The following AXIN1 variants were observed in gnomAD, a reference collection of about 807,000 sequenced individuals.
The protein encoded by AXIN1 is axin 1.
In AXIN1, 30 loss-of-function variants were observed where a neutral mutation model predicts 76.4. The observed-to-expected ratio is 0.39, with a 90% CI of 0.29 to 0.53. The LOEUF is 0.53. Ranked by LOEUF, AXIN1 falls within the 20% of genes least tolerant of loss-of-function variation. The pLI is 0.66. For synonymous variants in AXIN1, 545 were observed against 501.4 expected, an observed-to-expected ratio of 1.09 and a Z score of -1.16; for missense variants, 1,140 against 1,198.8, an observed-to-expected ratio of 0.95 and a Z score of 0.72.
chr16:294,899 A>T (rs2141492657), intron 7 of AXIN1, among the ~76,000 whole-genome samples: 1 of 151,108 alleles, frequency 6.6e-6, no homozygotes, highest in Middle Eastern at 3.4e-3. Context: ...CACCTCTACT[A>T]AAAAAATACA....
chr16:309,482 T>C (rs1001495042), intron 4 of AXIN1, among the ~76,000 whole-genome samples: 3 of 152,126 alleles, frequency 2.0e-5, no homozygotes, highest in Non-Finnish European at 2.9e-5. Flanking sequence ...CAAGCCCCCA[T>C]GCCCGAGACT....
At chr16:289,897 C>T in intron 9 of AXIN1, 1 of 536,466 alleles carries the variant, frequency 1.9e-6, no homozygotes, top group Non-Finnish European at 3.4e-6. Context: ...CAGCTCCCAC[C>T]TCTAGGATGG....
intron 5 of AXIN1, among the ~76,000 whole-genome samples, chr16:301,163 G>C (rs2052860925): frequency 1.3e-5 from 2 of 151,978 alleles, no homozygotes; most frequent in Admixed American, 6.6e-5. Context: ...CCCAGCTACT[G>C]GGGAGGCTGA....
At chr16:291,117 C>T in intron 9 of AXIN1, 73 bp downstream of exon 9, 1 of 1,440,660 alleles carries the variant, frequency 6.9e-7, no homozygotes, top group South Asian at 1.2e-5. Context: ...GACGGCGGCT[C>T]TACGATGGGA....
chr16:338,740 T>C (rs903338665), intron 2 of AXIN1, among the ~76,000 whole-genome samples: 1 of 152,052 alleles, frequency 6.6e-6, no homozygotes, highest in Non-Finnish European at 1.5e-5. Context: ...CTGGCCAACA[T>C]GGCGAAACCT....
chr16:332,192 G>A (rs1475644177), intron 2 of AXIN1, among the ~76,000 whole-genome samples: 1 of 152,154 alleles, frequency 6.6e-6, no homozygotes, highest in Non-Finnish European at 1.5e-5. Context: ...AACAACTGAG[G>A]GCCCCACGGT....
At position 304,244 on chromosome 16, in the gene AXIN1, C is replaced by T. The variant is rs962431690; in HGVS notation, c.1254+60G>A. On this transcript the variant is annotated intron_variant, in intron 5 of 10. Transcript: ENST00000262320. ...CCCCATGAAGAACATCAGGACATCC[C>T]GGCGGCAAGAAAACAGCACGACACC... is the stretch of plus-strand genomic sequence containing the variant. 3.3e-5 allele frequency: 52 copies of T among 1,599,492 alleles called. No individual in the cohort carries two copies. The East Asian group carries it at 5.8e-4, about 18-fold the overall frequency.
chr16:302,455 A>G (rs2052898357), intron 5 of AXIN1, among the ~76,000 whole-genome samples: 1 of 152,266 alleles, frequency 6.6e-6, no homozygotes, highest in Non-Finnish European at 1.5e-5. Flanking sequence ...TTTCCACACA[A>G]ACCCCTTCAT....
At chr16:343,804 G>A (rs762516412) in intron 2 of AXIN1, among the ~76,000 whole-genome samples, 2 of 151,490 alleles carry the variant, frequency 1.3e-5, no homozygotes, top group Non-Finnish European at 2.9e-5. Flanking sequence ...CCAGGAGCTC[G>A]AGACCATCCT....
At chr16:331,348 G>A (rs957399437) in intron 2 of AXIN1, among the ~76,000 whole-genome samples, 1 of 152,120 alleles carries the variant, frequency 6.6e-6, no homozygotes, top group Non-Finnish European at 1.5e-5. Flanking sequence ...CATTCTCAGG[G>A]ATCCTGGAGC....
intron 2 of AXIN1, among the ~76,000 whole-genome samples, chr16:330,609 A>G (rs967987201): frequency 6.6e-6 from 1 of 152,240 alleles, no homozygotes; most frequent in Admixed American, 6.5e-5. Context: ...TCAATGTCAC[A>G]AAAGTCTCTT....
At chr16:310,152 C>T (rs930147023) in intron 3 of AXIN1, 83 bp from the exon 4 acceptor site, 17 of 1,315,458 alleles carry the variant, frequency 1.3e-5, no homozygotes, top group Non-Finnish European at 1.8e-5. Flanking sequence ...TGGCCCCGAC[C>T]GCCGGTCAGC....
rs138790509 is a variant in AXIN1, at chr16:325,796, C to T, written c.879-11113G>A. Among the ~76,000 whole-genome samples the T allele has an allele frequency of 5.3e-3, 814 of 152,332 alleles. 3 individuals carry two copies. The highest frequency in any genetic ancestry group is 7.8e-3 in the Non-Finnish European group (531 of 68,036). On this transcript the variant is annotated intron_variant, in intron 2 of 10. Coordinates refer to ENST00000262320, the MANE Select transcript of AXIN1 (RefSeq NM_003502.4). Reference sequence around the variant, plus strand: ...CCATCTTCTCTCATGACGGGGCCTTCGGAAACACCAAGAAACGACCAAAGC... The same window carrying T: ...CCATCTTCTCTCATGACGGGGCCTTTGGAAACACCAAGAAACGACCAAAGC...
chr16:350,623 G>A lies in AXIN1; in HGVS notation c.-82+1746C>T, dbSNP rs145084793. Among the ~76,000 whole-genome samples the A allele has an allele frequency of 1.2e-3, 176 of 152,268 alleles. 2 individuals are homozygous for A. The highest frequency in any genetic ancestry group is 0.01 in the East Asian group (52 of 5,186). ...ACACGACTCTGACATCTTCCCAGCT[G>A]TCCATTGATTTAACTCTTGAAGGTT... On this transcript the variant is annotated intron_variant, in intron 1 of 10. Transcript: ENST00000262320.
intron 2 of AXIN1, among the ~76,000 whole-genome samples, chr16:340,320 G>GC (rs961171748): frequency 2.6e-5 from 4 of 152,326 alleles, no homozygotes; most frequent in African/African-American, 7.2e-5. Flanking sequence ...ATCCACAAGT[G>GC]CATCACTGGA....
In AXIN1 at chr16:295,625, C is replaced by T. The variant is rs191856274; in HGVS notation, c.1955+1431G>A. Among the ~76,000 whole-genome samples the T allele has an allele frequency of 1.8e-3, 267 of 152,060 alleles. 4 individuals carry two copies. Among genetic ancestry groups the T allele is most frequent in the African/African-American group, 5.5e-3 (227 of 41,474 alleles). On this transcript the variant is annotated intron_variant, in intron 7 of 10. Coordinates refer to ENST00000262320, the MANE Select transcript of AXIN1 (RefSeq NM_003502.4). ...AAAGTGGAATGTATTAATACTTATCCTAAAATATGGGACATGCAATATTTA... is the reference window on the plus strand; with the variant it reads ...AAAGTGGAATGTATTAATACTTATCTTAAAATATGGGACATGCAATATTTA...
intron 4 of AXIN1, among the ~76,000 whole-genome samples, chr16:304,690 A>G (rs979577589): frequency 1.3e-4 from 20 of 152,022 alleles, no homozygotes; most frequent in African/African-American, 4.6e-4. Context: ...GCCCGCCACC[A>G]CGCCTGGCTA....
chr16:332,503 G>C (rs1038143245), intron 2 of AXIN1, among the ~76,000 whole-genome samples: 2 of 151,374 alleles, frequency 1.3e-5, no homozygotes, highest in Admixed American at 1.3e-4. Context: ...GTGAACCCGG[G>C]AGGTGGAGGT....
rs779687565 is a variant in AXIN1 at position 346,393 on chromosome 16, C to T, written c.633G>A (p.Thr211=). The T allele has an allele frequency of 8.1e-6, 13 of 1,614,058 alleles. No individual in the cohort carries two copies. The highest frequency in any genetic ancestry group is 5.5e-5 in the South Asian group (5 of 91,088). ...CTTTGGGGCTCTCCGAGCCTGTCCT[C>T]GTATATTCCAAATAAATATCAGACT... ...FLKSDIYLEY[T]RTGSESPKVC... The change falls in exon 2 of 11, where the codon ACG becomes ACA. Residue 211 remains threonine (T), a synonymous_variant. Transcript: ENST00000262320.
Sources: gnomAD v4.1 joint callset for allele counts (sites outside exome capture counted in the v4.1 genomes callset) on GRCh38, gnomAD v4.1.1 for gene constraint, MANE v1.5 for transcripts, NCBI Gene and HGNC (gene_info 2026-07-23, HGNC 2026-07-21) for gene names.